CDH3: variants seen among roughly 807,000 people sequenced by gnomAD.
CDH3 encodes the protein cadherin-3.
In CDH3, 54 loss-of-function variants were observed where a neutral mutation model predicts 82.0. That is an observed-to-expected ratio of 0.66 (90% confidence interval 0.53 to 0.83). CDH3 has a LOEUF of 0.83. Among genes scored for constraint, CDH3 ranks in the 40% least tolerant of loss-of-function variants. The pLI is 0.00. For missense variants in CDH3, 1,054 were observed against 1,084.6 expected (o/e 0.97, Z 0.40); for synonymous variants, 446 against 437.9 (o/e 1.02, Z -0.23).
chr16:68,706,805 C>T (rs1290081392), intron 1 of CDH3, among the ~76,000 whole-genome samples: 1 of 152,064 alleles, frequency 6.6e-6, no homozygotes, highest in Non-Finnish European at 1.5e-5. Flanking sequence ...CCGCCTGCCT[C>T]AGCCTCACAA....
intron 12 of CDH3, among the ~76,000 whole-genome samples, chr16:68,688,036 G>A (rs549082467): frequency 6.1e-4 from 93 of 151,712 alleles, no homozygotes; most frequent in Non-Finnish European, 1.0e-3. Context: ...AGCATGCTCA[G>A]TGAGTGTTGG....
At chr16:68,677,754 A>G (rs749685463) in intron 3 of CDH3, among the ~76,000 whole-genome samples, 10 of 152,210 alleles carry the variant, frequency 6.6e-5, no homozygotes, top group South Asian at 4.1e-4. Context: ...AGGAAAAGAA[A>G]GAAAAAAAGA....
chr16:68,647,396 G>T (rs573991241), intron 2 of CDH3, among the ~76,000 whole-genome samples: 1 of 152,160 alleles, frequency 6.6e-6, no homozygotes, highest in Non-Finnish European at 1.5e-5. Flanking sequence ...TTGAGGTTTT[G>T]GGGGGAAGCA....
At chr16:68,666,023 A>G (rs1485899989) in intron 2 of CDH3, among the ~76,000 whole-genome samples, 1 of 152,166 alleles carries the variant, frequency 6.6e-6, no homozygotes, top group Non-Finnish European at 1.5e-5. Context: ...TTTCAAAGGA[A>G]TATTTGAAAT....
At chr16:68,730,493 C>G (rs1333276581), downstream of CDH3, among the ~76,000 whole-genome samples, 2 of 151,946 alleles carry the variant, frequency 1.3e-5, no homozygotes, top group Non-Finnish European at 2.9e-5. Context: ...GTCATTGCAC[C>G]CAGCCTGGGC....
At chr16:68,688,850 C>G (rs1213300288) in intron 12 of CDH3, among the ~76,000 whole-genome samples, 3 of 152,126 alleles carry the variant, frequency 2.0e-5, no homozygotes, top group Non-Finnish European at 4.4e-5. Flanking sequence ...GAACTCCTGA[C>G]TTCAGGTGAT....
At chr16:68,724,548 GCC>G (rs1962198822) in intron 2 of CDH3, among the ~76,000 whole-genome samples, 2 of 151,724 alleles carry the variant, frequency 1.3e-5, no homozygotes, top group South Asian at 4.2e-4. Context: ...AATCACTTGG[GCC>G]CAGGAGTTCA....
downstream of CDH3, among the ~76,000 whole-genome samples, chr16:68,704,456 C>A (rs1488380422): frequency 6.6e-6 from 1 of 152,224 alleles, no homozygotes; most frequent in Non-Finnish European, 1.5e-5. Context: ...TGAGATTCCC[C>A]AACCTGCAGG....
At chr16:68,653,251 A>T (rs9933907) in intron 2 of CDH3, among the ~76,000 whole-genome samples, 84,028 of 128,808 alleles carry the variant, frequency 0.65, 23,539 homozygotes, top group East Asian at 0.79. Context: ...ATTTTATTTT[A>T]TTTTTGAGAC....
chr16:68,725,645 C>A (rs1004420061), intron 2 of CDH3, among the ~76,000 whole-genome samples: 1 of 152,024 alleles, frequency 6.6e-6, no homozygotes, highest in East Asian at 1.9e-4. Context: ...TCACCTAATT[C>A]TTGAAATCAC....
intron 2 of CDH3, among the ~76,000 whole-genome samples, chr16:68,656,257 G>C (rs1403294355): frequency 2.0e-5 from 3 of 152,104 alleles, no homozygotes; most frequent in Non-Finnish European, 2.9e-5. Context: ...TGGAGGCCAG[G>C]GTCTCTGAAG....
intron 12 of CDH3, among the ~76,000 whole-genome samples, chr16:68,691,194 C>T (rs1013174400): frequency 6.6e-5 from 10 of 151,876 alleles, no homozygotes; most frequent in African/African-American, 2.2e-4. Context: ...TTAGTAGAGA[C>T]GGGTTTTCAC....
chr16:68,718,004 GAGTC>G (rs1441330986), intron 1 of CDH3, among the ~76,000 whole-genome samples: 1 of 151,828 alleles, frequency 6.6e-6, no homozygotes, highest in Admixed American at 6.6e-5. Context: ...TTTTGAGACA[GAGTC>G]TCATTCTGTT....
chr16:68,681,645 C>G (rs955409484), intron 8 of CDH3, among the ~76,000 whole-genome samples: 1 of 152,170 alleles, frequency 6.6e-6, no homozygotes, highest in Non-Finnish European at 1.5e-5. Context: ...CAAGACGAAC[C>G]TGGCCAATAT....
chr16:68,692,202 C>T (rs1036757382), intron 13 of CDH3, among the ~76,000 whole-genome samples: 1 of 152,112 alleles, frequency 6.6e-6, no homozygotes, highest in African/African-American at 2.4e-5. Flanking sequence ...ACGCCCAGCT[C>T]ATTTTTGTAT....
chr16:68,726,327 C>G (rs891525016), intron 2 of CDH3, among the ~76,000 whole-genome samples: 2 of 152,134 alleles, frequency 1.3e-5, no homozygotes, highest in African/African-American at 4.8e-5. Context: ...GTCATGGGAG[C>G]TCTTGCTGGG....
chr16:68,708,582 C>T (rs1961991704), intron 1 of CDH3, among the ~76,000 whole-genome samples: 1 of 152,136 alleles, frequency 6.6e-6, no homozygotes, highest in Non-Finnish European at 1.5e-5. Flanking sequence ...TGCAGCCCTG[C>T]ACCCCCCAAT....
downstream of CDH3, among the ~76,000 whole-genome samples, chr16:68,729,494 T>C (rs1180372767): frequency 6.6e-6 from 1 of 152,186 alleles, no homozygotes; most frequent in Non-Finnish European, 1.5e-5. Context: ...CATCAAATTG[T>C]ATACTTTAAA....
Position 68,686,670 on chromosome 16 carries a change from G to A in CDH3, c.1571-842G>A, listed in dbSNP as rs776824142. ...CTATTTAGGGATGGTGACATTCTTG[G>A]AAAGTACGTAGACTGAAATAAGTCA... is the stretch of plus-strand genomic sequence containing the variant. On this transcript the variant is annotated intron_variant, in intron 11 of 15. Transcript: ENST00000264012. 1.1e-5 allele frequency: 9 copies of A among 817,142 alleles called. No homozygotes were observed. In the African/African-American group the frequency reaches 1.5e-4, roughly 14 times the overall value. 50.6% of individuals were successfully genotyped at this position (817,142 alleles called of 1,614,324 possible).
Sources: allele counts gnomAD v4.1 joint callset (sites outside exome capture counted in the v4.1 genomes callset), GRCh38; gene constraint gnomAD v4.1.1; transcripts MANE v1.5; gene names NCBI Gene and HGNC (gene_info 2026-07-23, HGNC 2026-07-21).